LARP1B: variants seen among roughly 807,000 people sequenced by gnomAD.
LARP1B encodes the protein La ribonucleoprotein 1B, also known as la-related protein 1B.
Under a neutral mutation model 114.2 loss-of-function variants are expected in LARP1B, and 76 were observed. The ratio of observed to expected loss-of-function variants is 0.67; its 90% CI spans 0.55 to 0.81. The LOEUF (loss-of-function observed/expected upper bound fraction) is 0.81. LARP1B is among the 30% of genes least tolerant of loss of function. The pLI is 0.00. For synonymous variants in LARP1B, 345 were observed against 348.0 expected (o/e 0.99, Z 0.10); for missense variants, 1,014 against 1,075.8 (o/e 0.94, Z 0.80).
At chr4:128,098,747 G>GTATATT (rs200690405) in intron 8 of LARP1B, among the ~76,000 whole-genome samples, 2 of 15,594 alleles carry the variant, frequency 1.3e-4, no homozygotes, top group African/African-American at 3.9e-4. Flanking sequence ...ATATGTATGT[G>GTATATT]TATATATATA....
chr4:128,089,198 G>GC (rs1774877973), intron 5 of LARP1B, among the ~76,000 whole-genome samples: 1 of 152,018 alleles, frequency 6.6e-6, no homozygotes, highest in South Asian at 2.1e-4. Context: ...CACAGAACAG[G>GC]CCCCCACACC....
chr4:128,213,433 A>G (rs767867569), downstream of LARP1B, among the ~76,000 whole-genome samples: 76 of 152,272 alleles, frequency 5.0e-4, no homozygotes, highest in Non-Finnish European at 5.7e-4. Flanking sequence ...TTCACTTATC[A>G]AGAATATTAA....
rs1042932911 is a variant in LARP1B at position 128,176,864 on chromosome 4, C to G, written c.1649-8C>G. Reference sequence around the variant, plus strand: ...GCACAAAAAGGGACTAATTAACTCTCTTGGCAGGAGGTGTTCAAGGAGTGC... The same window carrying G: ...GCACAAAAAGGGACTAATTAACTCTGTTGGCAGGAGGTGTTCAAGGAGTGC... On this transcript the variant is annotated splice_region_variant and splice_polypyrimidine_tract_variant and intron_variant, in intron 12 of 19. Coordinates refer to ENST00000326639, the MANE Select transcript of LARP1B (RefSeq NM_018078.4). 1.2e-6 allele frequency: 2 copies of G among 1,613,542 alleles called. No individual in the cohort carries two copies. Among genetic ancestry groups the G allele is most frequent in the South Asian group, 2.2e-5 (2 of 91,064 alleles).
At chr4:128,067,981 C>T (rs562749947) in intron 1 of LARP1B, among the ~76,000 whole-genome samples, 17 of 151,518 alleles carry the variant, frequency 1.1e-4, no homozygotes, top group African/African-American at 2.7e-4. Context: ...CCCGGGTTCA[C>T]GCCATTCTCC....
chr4:128,117,649 G>T (rs1162370112), intron 10 of LARP1B, among the ~76,000 whole-genome samples: 1 of 152,026 alleles, frequency 6.6e-6, no homozygotes, highest in Non-Finnish European at 1.5e-5. Flanking sequence ...CTCCCAAAGT[G>T]CTGGGATTAC....
Position 128,065,325 on chromosome 4 carries a change from CT to C in LARP1B, c.-78+3925del, listed in dbSNP as rs1561012774. On this transcript the variant is annotated intron_variant, in intron 1 of 19. Coordinates refer to ENST00000326639, the MANE Select transcript of LARP1B (RefSeq NM_018078.4). Reference sequence around the variant, plus strand: ...TCTTTCTTTCTTTCTTTCTCTCTCTCTCTCTCTTTCCTTTCTTTTCTTTTCT... The same window carrying C: ...TCTTTCTTTCTTTCTTTCTCTCTCTCCTCTCTTTCCTTTCTTTTCTTTTCT... Among the ~76,000 whole-genome samples, 12 of 125,732 alleles carry C rather than the reference CT, an allele frequency of 9.5e-5. No individual in the cohort carries two copies. The South Asian group carries it at 2.6e-3, about 28-fold the overall frequency. The allele number at this position is 125,732 out of a possible 152,430, so 82.5% of individuals were successfully genotyped here.
Position 128,198,449 on chromosome 4 carries a change from A to G in LARP1B, c.2004-990A>G, listed in dbSNP as rs900612647. 3.3e-5 allele frequency among the ~76,000 whole-genome samples: 5 copies of G among 152,194 alleles called. No individual in the cohort carries two copies. The East Asian group carries it at 9.6e-4, about 29-fold the overall frequency. ...TTATAATTTTTTGGCTTTATCAAGG[A>G]TATTTTTAAGTTGAAACTGGAATTG... On this transcript the variant is annotated intron_variant, in intron 15 of 19. Transcript: ENST00000326639.
At position 128,154,258 on chromosome 4, in the gene LARP1B, G is replaced by A. The variant is rs567992180; in HGVS notation, c.1525-7936G>A. Among the ~76,000 whole-genome samples, 87 of 152,112 alleles carry A rather than the reference G, an allele frequency of 5.7e-4. 1 individual carries two copies. Among genetic ancestry groups the A allele is most frequent in the Non-Finnish European group, 1.0e-3 (68 of 67,998 alleles). On this transcript the variant is annotated intron_variant, in intron 11 of 19. Transcript: ENST00000326639. ...CTGTGTTAGCTTCATTTTCAGTTAC[G>A]CTTTCTCTGAGTGGGAGCAACAGTG... is the stretch of plus-strand genomic sequence containing the variant.
At chr4:128,070,210 C>G (rs1764685691) in intron 1 of LARP1B, among the ~76,000 whole-genome samples, 1 of 151,958 alleles carries the variant, frequency 6.6e-6, no homozygotes, top group Non-Finnish European at 1.5e-5. Context: ...GTCCCAGCTA[C>G]TTGGGAGGCT....
intron 10 of LARP1B, among the ~76,000 whole-genome samples, chr4:128,118,239 T>TC (rs1219151035): frequency 6.8e-6 from 1 of 147,326 alleles, no homozygotes; most frequent in East Asian, 2.0e-4. Context: ...TCTATTTTTT[T>TC]TTTTTTTTTT....
chr4:128,083,610 C>T (rs1434648481), intron 5 of LARP1B, among the ~76,000 whole-genome samples: 2 of 144,150 alleles, frequency 1.4e-5, no homozygotes, highest in Admixed American at 1.4e-4. Flanking sequence ...GGGCGGCTGG[C>T]CGGGCGGGGT....
chr4:128,081,171 C>T (rs1316951061), intron 4 of LARP1B, among the ~76,000 whole-genome samples: 4 of 151,006 alleles, frequency 2.6e-5, no homozygotes, highest in Non-Finnish European at 4.4e-5. Flanking sequence ...CTCTGCCTCC[C>T]GGGTTTAAGG....
chr4:128,162,626 T>G (rs753350039), intron 12 of LARP1B, among the ~76,000 whole-genome samples: 1 of 152,122 alleles, frequency 6.6e-6, no homozygotes, highest in Non-Finnish European at 1.5e-5. Context: ...CACTGATCCT[T>G]AGAATGCGCT....
In LARP1B at chr4:128,122,040, A is replaced by G. The variant is rs1788123075; in HGVS notation, c.1376A>G (p.Lys459Arg). ...GTAACTCAGACACCACCTTATGTGA[A>G]AAAACATCCTGGAGGAGATCGAACA... ...LIVTQTPPYV[K>R]KHPGGDRTGT... The change falls in exon 11 of 20, where the codon AAA becomes AGA. Residue 459 changes from lysine (K) to arginine (R), a missense_variant. Physicochemically the swap from Lys to Arg is conservative, Grantham distance 26 (BLOSUM62 2). Transcript: ENST00000326639. 2 of 1,614,048 alleles carry G rather than the reference A, an allele frequency of 1.2e-6. No homozygotes were observed. The highest frequency in any genetic ancestry group is 1.7e-6 in the Non-Finnish European group (2 of 1,180,006).
chr4:128,219,911 G>GT (rs1759869515), intron 6 of LARP1B, among the ~76,000 whole-genome samples: 2 of 152,102 alleles, frequency 1.3e-5, no homozygotes, highest in African/African-American at 4.8e-5. Flanking sequence ...TTGAGACAGA[G>GT]TTTCGCTCTT....
intron 11 of LARP1B, among the ~76,000 whole-genome samples, chr4:128,132,840 A>G (rs1000496303): frequency 6.6e-6 from 1 of 152,066 alleles, no homozygotes; most frequent in East Asian, 1.9e-4. Context: ...ATATAATGAA[A>G]TAATTGTGCA....
At chr4:128,176,776 A>G (rs1746380641) in intron 12 of LARP1B, 96 bp from the exon 13 acceptor site, 2 of 1,124,636 alleles carry the variant, frequency 1.8e-6, no homozygotes, top group Non-Finnish European at 2.6e-6. Flanking sequence ...CTATGGGATG[A>G]TATGTAAGAA....
At chr4:128,134,200 G>A (rs957943947) in intron 11 of LARP1B, among the ~76,000 whole-genome samples, 3 of 151,834 alleles carry the variant, frequency 2.0e-5, no homozygotes, top group African/African-American at 7.2e-5. Flanking sequence ...GTGGAGGCAG[G>A]GTCTTGTTAT....
intron 5 of LARP1B, among the ~76,000 whole-genome samples, chr4:128,088,479 AGGCTGTT>A (rs1774569518): frequency 6.6e-6 from 1 of 152,094 alleles, no homozygotes; most frequent in African/African-American, 2.4e-5. Flanking sequence ...TCCTGCTGAA[AGGCTGTT>A]TCACTATTTG....
Sources: allele counts gnomAD v4.1 joint callset (sites outside exome capture counted in the v4.1 genomes callset), GRCh38; gene constraint gnomAD v4.1.1; transcripts MANE v1.5; gene names NCBI Gene and HGNC (gene_info 2026-07-23, HGNC 2026-07-21).